Variants in TCF7 observed in about 807,000 individuals in gnomAD.
The protein encoded by TCF7 is T-cell-factor-7.
TCF7 carries 19 observed loss-of-function variants against 46.8 expected under a neutral mutation model. The observed-to-expected ratio is 0.41, with a 90% CI of 0.28 to 0.60. TCF7 has a LOEUF of 0.60. Among genes scored for constraint, TCF7 ranks in the 20% least tolerant of loss-of-function variants. TCF7 has a pLI of 0.35. For missense variants in TCF7, 547 were observed against 504.6 expected (o/e 1.08, Z -0.81); for synonymous variants, 245 against 213.4 (o/e 1.15, Z -1.29).
chr5:134,140,147 A>G (rs1759517352), intron 5 of TCF7, among the ~76,000 whole-genome samples: 1 of 152,126 alleles, frequency 6.6e-6, no homozygotes, highest in Non-Finnish European at 1.5e-5. Context: ...GGCTGTGAGG[A>G]AAGAAGTAGG....
chr5:134,138,964 G>A lies in TCF7; in HGVS notation c.561G>A (p.Leu187=). ...DISQKQVHRP[L]QTPDLSGFYS... Reference sequence around the variant, plus strand: ...TCTCCTCTGCAGTTCACAGGCCTCTGCAGACCCCTGACCTCTCTGGCTTCT... The same window carrying A: ...TCTCCTCTGCAGTTCACAGGCCTCTACAGACCCCTGACCTCTCTGGCTTCT... The change falls in exon 5 of 10, where the codon CTG becomes CTA. Residue 187 remains leucine (L), a synonymous_variant. Transcript: ENST00000342854. 2 of 1,613,902 alleles carry A rather than the reference G, an allele frequency of 1.2e-6. No individual in the cohort carries two copies. Among genetic ancestry groups the A allele is most frequent in the Non-Finnish European group, 1.7e-6 (2 of 1,180,004 alleles).
the TCF7 span, among the ~76,000 whole-genome samples, chr5:134,108,410 G>A: frequency 6.6e-6 from 1 of 152,184 alleles, no homozygotes; most frequent in Non-Finnish European, 1.5e-5. Context: ...TTGGGCAGGC[G>A]GGAGGCCTGG....
rs1200482051 is a variant in TCF7, at chr5:134,115,895, T to A, written c.317-14T>A. ...CCAGGGCTGGTGTGTCTGACCCAGCTGTGGTTTTTCCAGGCCTGAAGGCCC... is the reference window on the plus strand; with the variant it reads ...CCAGGGCTGGTGTGTCTGACCCAGCAGTGGTTTTTCCAGGCCTGAAGGCCC... On this transcript the variant is annotated splice_polypyrimidine_tract_variant and intron_variant, in intron 2 of 9. Coordinates refer to ENST00000342854, the MANE Select transcript of TCF7 (RefSeq NM_003202.5). 6.2e-7 allele frequency: 1 copy of A among 1,613,862 alleles called. No homozygotes were observed. The highest frequency in any genetic ancestry group is 1.7e-5 in the Admixed American group (1 of 60,026).
At chr5:134,133,667 G>C (rs1409400533) in intron 3 of TCF7, among the ~76,000 whole-genome samples, 1 of 152,124 alleles carries the variant, frequency 6.6e-6, no homozygotes, top group Admixed American at 6.5e-5. Flanking sequence ...ATGTGGGAGG[G>C]ACTGGCCAGG....
At chr5:134,117,072 G>A (rs1354894996) in intron 3 of TCF7, among the ~76,000 whole-genome samples, 1 of 152,274 alleles carries the variant, frequency 6.6e-6, no homozygotes, top group Non-Finnish European at 1.5e-5. Flanking sequence ...GTGGGAATGA[G>A]AAGACATATA....
At position 134,142,257 on chromosome 5, in the gene TCF7, T is replaced by C. The variant is rs972042114; in HGVS notation, c.708T>C (p.Ile236=). ...GHPAAIPHPA[I]VPPSGKQELQ... ...CAGCAGCCATCCCCCACCCGGCCAT[T>C]GTGCCCCCCTCAGGGAAGCAGGAGC... The change falls in exon 6 of 10, where the codon ATT becomes ATC. Residue 236 remains isoleucine (I), a synonymous_variant. Coordinates refer to ENST00000342854, the MANE Select transcript of TCF7 (RefSeq NM_003202.5). 2 of 1,608,046 alleles carry C rather than the reference T, an allele frequency of 1.2e-6. No individual in the cohort carries two copies. Among genetic ancestry groups the C allele is most frequent in the South Asian group, 2.2e-5 (2 of 90,654 alleles).
the TCF7 span, among the ~76,000 whole-genome samples, chr5:134,108,824 C>T: frequency 6.6e-6 from 1 of 152,144 alleles, no homozygotes; most frequent in Admixed American, 6.5e-5. Context: ...GTCCCAGGGA[C>T]CCTATGGGGT....
At chr5:134,130,457 C>T (rs1018563705) in intron 3 of TCF7, among the ~76,000 whole-genome samples, 1 of 152,230 alleles carries the variant, frequency 6.6e-6, no homozygotes, top group African/African-American at 2.4e-5. Flanking sequence ...GCCAGGGGAG[C>T]TGGGCCAAGG....
intron 3 of TCF7, among the ~76,000 whole-genome samples, chr5:134,126,237 C>A (rs972784206): frequency 1.9e-4 from 29 of 152,148 alleles, no homozygotes; most frequent in Non-Finnish European, 4.4e-5. Flanking sequence ...GGCTGGCCAC[C>A]GAGTGCGTGC....
chr5:134,120,268 GCGTCCAGGGGACCC>G (rs1453457252), intron 3 of TCF7, among the ~76,000 whole-genome samples: 1 of 152,180 alleles, frequency 6.6e-6, no homozygotes, highest in Non-Finnish European at 1.5e-5. Context: ...AGCAGCAACA[GCGTCCAGGGGACCC>G]CTCCCTCACC....
chr5:134,129,564 C>T (rs988878596), intron 3 of TCF7, among the ~76,000 whole-genome samples: 1 of 152,182 alleles, frequency 6.6e-6, no homozygotes, highest in South Asian at 2.1e-4. Context: ...CAGCAGCTCC[C>T]GGAAGCTTAT....
chr5:134,114,960 C>A lies in TCF7; in HGVS notation c.54C>A (p.Gly18=). ...GGGAGGGDDL[G]APDELLAFQD... is the part of the protein sequence containing the mutation. ...GCGCGGGCGGCGGCGACGACCTCGG[C>A]GCGCCGGACGAGCTGCTGGCCTTCC... Residue 18 remains glycine, a synonymous_variant, in exon 1 of 10, where the codon GGC becomes GGA. Coordinates refer to ENST00000342854, the MANE Select transcript of TCF7 (RefSeq NM_003202.5). 2 of 1,161,172 alleles carry A rather than the reference C, an allele frequency of 1.7e-6. No individual in the cohort carries two copies. The highest frequency in any genetic ancestry group is 3.3e-5 in the Admixed American group (1 of 30,430). The allele number at this position is 1,161,172 out of a possible 1,614,324, so 71.9% of individuals were successfully genotyped here. A position where few individuals can be genotyped will look rare whatever the true frequency, so the allele number is the denominator to read the frequency against.
Position 134,138,904 on chromosome 5 carries a change from C to T in TCF7, c.548-47C>T, listed in dbSNP as rs144497620. 6.0e-3 allele frequency: 9,723 copies of T among 1,608,522 alleles called. 35 individuals carry two copies. The highest frequency in any genetic ancestry group is 9.9e-3 in the Middle Eastern group (60 of 6,046). ...TAGGATGCAGTAACTGCTGATATGGCCTGCCAGGTCAGGCTAGCCCACTCA... is the reference window on the plus strand; with the variant it reads ...TAGGATGCAGTAACTGCTGATATGGTCTGCCAGGTCAGGCTAGCCCACTCA... On this transcript the variant is annotated intron_variant, in intron 4 of 9. Coordinates refer to ENST00000342854, the MANE Select transcript of TCF7 (RefSeq NM_003202.5).
chr5:134,112,078 G>A (rs2149257110), upstream of TCF7, among the ~76,000 whole-genome samples: 1 of 152,278 alleles, frequency 6.6e-6, no homozygotes, highest in South Asian at 2.1e-4. Context: ...GACTAGACCA[G>A]GGACTCCTGT....
intron 3 of TCF7, among the ~76,000 whole-genome samples, chr5:134,128,378 G>T (rs73790166): frequency 0.021 from 3,219 of 152,068 alleles, 106 homozygotes; most frequent in African/African-American, 0.074. Context: ...GTGAGGGCTC[G>T]GGCAGCAGCA....
upstream of TCF7, among the ~76,000 whole-genome samples, chr5:134,113,007 G>A (rs922530167): frequency 9.9e-5 from 15 of 152,160 alleles, no homozygotes; most frequent in African/African-American, 3.4e-4. Flanking sequence ...CCTTTCAGCT[G>A]TCCCAGAGGA....
At chr5:134,111,459 G>A (rs1755328543), upstream of TCF7, among the ~76,000 whole-genome samples, 3 of 152,134 alleles carry the variant, frequency 2.0e-5, no homozygotes, top group South Asian at 2.1e-4. Flanking sequence ...ACTACCCTGT[G>A]GAAGAACCCC....
At chr5:134,113,606 T>C (rs553355117), upstream of TCF7, among the ~76,000 whole-genome samples, 1 of 152,352 alleles carries the variant, frequency 6.6e-6, no homozygotes, top group South Asian at 2.1e-4. Context: ...AGAAACCTGC[T>C]AGGGGAGCTG....
intron 9 of TCF7, chr5:134,144,794 C>G (rs1760439184): frequency 6.2e-7 from 1 of 1,613,862 alleles, no homozygotes; most frequent in Non-Finnish European, 8.5e-7. Context: ...TGGCTGTGAG[C>G]AGACCCTGGC....
Sources: gnomAD v4.1 joint callset for allele counts (sites outside exome capture counted in the v4.1 genomes callset) on GRCh38, gnomAD v4.1.1 for gene constraint, MANE v1.5 for transcripts, NCBI Gene and HGNC (gene_info 2026-07-23, HGNC 2026-07-21) for gene names.